MSRA: variants seen among roughly 807,000 people sequenced by gnomAD.
MSRA encodes the protein mitochondrial peptide methionine sulfoxide reductase.
MSRA carries 54 observed loss-of-function variants against 31.3 expected under a neutral mutation model. The ratio of observed to expected loss-of-function variants is 1.73; its 90% CI spans 1.39 to 2.17. The LOEUF (loss-of-function observed/expected upper bound fraction) is 2.17. MSRA is among the 30% of genes most tolerant of loss of function. The pLI, the probability that MSRA is intolerant of heterozygous loss-of-function variation, is 0.00. For synonymous variants in MSRA, 169 were observed against 116.5 expected, an observed-to-expected ratio of 1.45 and a Z score of -2.90; for missense variants, 507 against 300.9, an observed-to-expected ratio of 1.69 and a Z score of -5.07.
intron 5 of MSRA, among the ~76,000 whole-genome samples, chr8:10,343,358 G>A (rs1185757841): frequency 6.6e-6 from 1 of 152,224 alleles, no homozygotes; most frequent in Non-Finnish European, 1.5e-5. Flanking sequence ...CGTCATGCAG[G>A]AGTGATCAGT....
At chr8:10,362,819 GC>G (rs750231804) in intron 5 of MSRA, among the ~76,000 whole-genome samples, 3 of 151,776 alleles carry the variant, frequency 2.0e-5, no homozygotes, top group South Asian at 4.2e-4. Flanking sequence ...AAACGCAACT[GC>G]CCGCGCCACC....
intron 1 of MSRA, among the ~76,000 whole-genome samples, chr8:10,169,753 C>T (rs1805439025): frequency 1.3e-5 from 2 of 152,092 alleles, no homozygotes; most frequent in African/African-American, 4.8e-5. Context: ...CTGAAAAATT[C>T]CTAACCATTC....
chr8:10,284,884 G>T (rs982417012), intron 3 of MSRA, among the ~76,000 whole-genome samples: 1 of 152,066 alleles, frequency 6.6e-6, no homozygotes, highest in African/African-American at 2.4e-5. Flanking sequence ...TCCAGAACAA[G>T]CACTGTTTGC....
chr8:10,428,213 T>C lies in MSRA; in HGVS notation c.609T>C (p.Tyr203=), dbSNP rs144164741. The C allele has an allele frequency of 3.1e-5, 50 of 1,614,044 alleles. No individual in the cohort carries two copies. In the Middle Eastern group the frequency reaches 4.9e-4, roughly 16 times the overall value. The part of the protein sequence containing the change: ...TDIREGQTFY[Y]AEDYHQQYLS... ...TCCGGGAGGGACAGACTTTCTACTA[T>C]GCGGAAGACTACCACCAGCAGTACC... The change falls in exon 6 of 6, where the codon TAT becomes TAC. Residue 203 remains tyrosine (Y), a synonymous_variant. Coordinates refer to ENST00000317173, the MANE Select transcript of MSRA (RefSeq NM_012331.5).
chr8:10,276,823 T>G (rs1563299266), intron 3 of MSRA, among the ~76,000 whole-genome samples: 1 of 151,938 alleles, frequency 6.6e-6, no homozygotes, highest in East Asian at 1.9e-4. Context: ...TCCTCCACTT[T>G]GACCCCACCT....
At position 10,213,452 on chromosome 8, in the gene MSRA, T is replaced by G. The variant is rs955679972; in HGVS notation, c.211+5551T>G. On this transcript the variant is annotated intron_variant, in intron 2 of 5. Coordinates refer to ENST00000317173, the MANE Select transcript of MSRA (RefSeq NM_012331.5). ...ACTTTCTTTTTTTTTTTTTTTTTTT[T>G]TTTTGAGACAGAGTCTTGCCCTCAC... Among the ~76,000 whole-genome samples the G allele has an allele frequency of 4.8e-5, 7 of 147,318 alleles. No homozygotes were observed. The South Asian group carries it at 6.6e-4, about 14-fold the overall frequency.
At chr8:10,277,387 T>C (rs541612235) in intron 3 of MSRA, among the ~76,000 whole-genome samples, 45 of 152,340 alleles carry the variant, frequency 3.0e-4, no homozygotes, top group Non-Finnish European at 5.1e-4. Flanking sequence ...CTGTGTTTTC[T>C]TGGGAAGGTC....
intron 3 of MSRA, among the ~76,000 whole-genome samples, chr8:10,261,186 A>G (rs1798461816): frequency 1.3e-5 from 2 of 152,210 alleles, no homozygotes; most frequent in Non-Finnish European, 2.9e-5. Context: ...TTTATGGTAA[A>G]AATGGATGAA....
intron 5 of MSRA, among the ~76,000 whole-genome samples, chr8:10,395,636 A>G (rs17709642): frequency 0.014 from 2,104 of 152,210 alleles, 28 homozygotes; most frequent in Non-Finnish European, 0.022. Flanking sequence ...TGGCATGCGA[A>G]CAGTTTTTGT....
At chr8:10,098,268 T>C (rs1799306597) in intron 1 of MSRA, among the ~76,000 whole-genome samples, 1 of 152,218 alleles carries the variant, frequency 6.6e-6, no homozygotes, top group East Asian at 1.9e-4. Context: ...GTCGTTTGAA[T>C]TGTATAATAT....
At chr8:10,301,676 T>G in intron 4 of MSRA, 38 bp downstream of exon 4, 1 of 1,506,532 alleles carries the variant, frequency 6.6e-7, no homozygotes, top group Non-Finnish European at 9.2e-7. Flanking sequence ...ATTATCTTAC[T>G]AATTACAGCT....
At chr8:10,192,787 G>T (rs1383615230) in intron 1 of MSRA, among the ~76,000 whole-genome samples, 1 of 152,206 alleles carries the variant, frequency 6.6e-6, no homozygotes, top group Non-Finnish European at 1.5e-5. Context: ...AGGGTCCTTG[G>T]AAAGAATTAT....
At chr8:10,128,983 A>G (rs898583254) in intron 1 of MSRA, among the ~76,000 whole-genome samples, 3 of 152,146 alleles carry the variant, frequency 2.0e-5, no homozygotes, top group South Asian at 2.1e-4. Context: ...CCTTTACGCT[A>G]TATAATATGC....
chr8:10,339,907 C>T (rs1563369300), intron 5 of MSRA, among the ~76,000 whole-genome samples: 1 of 152,122 alleles, frequency 6.6e-6, no homozygotes, highest in South Asian at 2.1e-4. Context: ...CTATGGTCTG[C>T]CCTTCTAGGC....
intron 1 of MSRA, 63 bp downstream of exon 1, chr8:10,054,721 G>C (rs1802213953): frequency 7.2e-7 from 1 of 1,392,580 alleles, no homozygotes; most frequent in African/African-American, 1.5e-5. Flanking sequence ...TTTGCCCGGC[G>C]GCAGCGCGCC....
intron 2 of MSRA, among the ~76,000 whole-genome samples, chr8:10,219,387 A>G (rs1423089399): frequency 6.6e-6 from 1 of 152,142 alleles, no homozygotes; most frequent in Non-Finnish European, 1.5e-5. Flanking sequence ...AGAAGGGGAG[A>G]TATTTACTGA....
chr8:10,161,001 A>C (rs1804587971), intron 1 of MSRA, among the ~76,000 whole-genome samples: 1 of 151,932 alleles, frequency 6.6e-6, no homozygotes, highest in African/African-American at 2.4e-5. Flanking sequence ...CACTAATAAA[A>C]TGTAAATATC....
intron 1 of MSRA, among the ~76,000 whole-genome samples, chr8:10,194,265 C>T (rs886833142): frequency 6.6e-6 from 1 of 152,174 alleles, no homozygotes; most frequent in Admixed American, 6.5e-5. Flanking sequence ...CCTTCCCCCC[C>T]TTAAAAAGAA....
chr8:10,327,588 G>C (rs775783444), intron 5 of MSRA, among the ~76,000 whole-genome samples: 2 of 152,136 alleles, frequency 1.3e-5, no homozygotes, highest in African/African-American at 2.4e-5. Context: ...TTTGACTGGT[G>C]TGTGTGTTTT....
Sources: allele counts gnomAD v4.1 joint callset (sites outside exome capture counted in the v4.1 genomes callset), GRCh38; gene constraint gnomAD v4.1.1; transcripts MANE v1.5; gene names NCBI Gene and HGNC (gene_info 2026-07-23, HGNC 2026-07-21).